SLC36A1: variants seen among roughly 807,000 people sequenced by gnomAD.
The protein encoded by SLC36A1 is proton-coupled amino acid transporter 1.
A neutral mutation model predicts 47.5 loss-of-function variants in SLC36A1; 30 were observed. The ratio of observed to expected loss-of-function variants is 0.63; its 90% CI spans 0.47 to 0.86. SLC36A1 has a LOEUF of 0.86. SLC36A1 is among the 40% of genes least tolerant of loss of function. SLC36A1 has a pLI of 0.00. For synonymous variants in SLC36A1, 255 were observed against 249.7 expected, an observed-to-expected ratio of 1.02 and a Z score of -0.20; for missense variants, 517 against 606.0, an observed-to-expected ratio of 0.85 and a Z score of 1.54.
the SLC36A1 span, chr5:151,542,877 C>G: frequency 2.5e-6 from 4 of 1,614,048 alleles, no homozygotes; most frequent in Non-Finnish European, 2.5e-6. Flanking sequence ...GCTTCCTCAC[C>G]TTTATGACCC....
At chr5:151,456,014 GGA>G (rs1262759009) in intron 1 of SLC36A1, among the ~76,000 whole-genome samples, 1 of 152,102 alleles carries the variant, frequency 6.6e-6, no homozygotes, top group Non-Finnish European at 1.5e-5. Flanking sequence ...ACTCAAGGGG[GGA>G]GTGACACATG....
intron 10 of SLC36A1, chr5:151,480,175 C>A: frequency 1.1e-6 from 1 of 893,890 alleles, no homozygotes; most frequent in South Asian, 2.5e-5. Flanking sequence ...TAGAGAACCC[C>A]TGAGCAAATC....
At chr5:151,387,366 C>G in the SLC36A1 span, 1 of 152,198 alleles carries the variant, frequency 6.6e-6, no homozygotes, top group African/African-American at 2.4e-5. Context: ...AAAATTGCTT[C>G]CAATAACCCC....
chr5:151,420,878 C>CTTTTTTTTTTTTT, the SLC36A1 span, among the ~76,000 whole-genome samples: 1 of 143,966 alleles, frequency 6.9e-6, no homozygotes. Context: ...CTCTTTCTTT[C>CTTTTTTTTTTTTT]TTTTTTTTTT....
At chr5:151,377,347 CTT>C in the SLC36A1 span, among the ~76,000 whole-genome samples, 7 of 120,288 alleles carry the variant, frequency 5.8e-5, no homozygotes, top group Admixed American at 8.4e-5. Flanking sequence ...CTGTCTCTTT[CTT>C]TTTTTTTTTT....
chr5:151,538,016 A>G, the SLC36A1 span: 1 of 1,438,652 alleles, frequency 7.0e-7, no homozygotes, highest in Non-Finnish European at 9.6e-7. Context: ...AAGCAGAGTG[A>G]CTGACTGAGG....
chr5:151,403,233 C>T, the SLC36A1 span, among the ~76,000 whole-genome samples: 14 of 152,020 alleles, frequency 9.2e-5, no homozygotes, highest in Non-Finnish European at 1.8e-4. Context: ...TTCAAAGAAT[C>T]TTTTGATTTC....
At chr5:151,522,877 G>A in the SLC36A1 span, among the ~76,000 whole-genome samples, 1 of 152,144 alleles carries the variant, frequency 6.6e-6, no homozygotes. Context: ...GCACGCGCAG[G>A]GTTGCAGTTA....
chr5:151,523,009 A>C, the SLC36A1 span, among the ~76,000 whole-genome samples: 36 of 152,324 alleles, frequency 2.4e-4, no homozygotes, highest in East Asian at 6.9e-3. Context: ...TTCCTGCCTG[A>C]CTTAGAAAGG....
chr5:151,543,634 G>C, the SLC36A1 span: 4 of 1,614,136 alleles, frequency 2.5e-6, no homozygotes, highest in Non-Finnish European at 3.4e-6. Context: ...AATCACCTTG[G>C]TTCCAACCAT....
At chr5:151,464,413 T>C in intron 3 of SLC36A1, 101 bp from the exon 4 acceptor site, 1 of 1,023,356 alleles carries the variant, frequency 9.8e-7, no homozygotes, top group South Asian at 1.3e-5. Flanking sequence ...GAAAACTGCC[T>C]TAGTAGCTTT....
At chr5:151,479,709 T>C in intron 10 of SLC36A1, 1 of 568,932 alleles carries the variant, frequency 1.8e-6, no homozygotes, top group Non-Finnish European at 3.1e-6. Flanking sequence ...GGACAGTGGT[T>C]TATGTATAGA....
the SLC36A1 span, among the ~76,000 whole-genome samples, chr5:151,515,303 G>C: frequency 6.6e-6 from 1 of 152,138 alleles, no homozygotes; most frequent in African/African-American, 2.4e-5. Flanking sequence ...CCCCAGACCT[G>C]CTAATGTTGG....
Position 151,459,244 on chromosome 5 carries a change from C to T in SLC36A1, c.143+309C>T, listed in dbSNP as rs545483918. Among the ~76,000 whole-genome samples, 35 of 152,272 alleles carry T rather than the reference C, an allele frequency of 2.3e-4. No individual in the cohort carries two copies. In the South Asian group the frequency reaches 7.3e-3, roughly 32 times the overall value. ...AAAAGTGTGTCATCTGTGCTAGAACCCCAAATAATTTCCAAGCATAATCGG... is the reference window on the plus strand; with the variant it reads ...AAAAGTGTGTCATCTGTGCTAGAACTCCAAATAATTTCCAAGCATAATCGG... On this transcript the variant is annotated intron_variant, in intron 2 of 10. Transcript: ENST00000243389.
chr5:151,472,700 A>G (rs1757488186), intron 7 of SLC36A1, among the ~76,000 whole-genome samples: 1 of 152,248 alleles, frequency 6.6e-6, no homozygotes, highest in African/African-American at 2.4e-5. Flanking sequence ...AAGAGGAAAA[A>G]GGAAGAGAAC....
At chr5:151,553,254 T>A in the SLC36A1 span, 2 of 1,614,228 alleles carry the variant, frequency 1.2e-6, no homozygotes. Context: ...AGGGTCCGTC[T>A]CCATGACCGT....
chr5:151,399,627 C>A, the SLC36A1 span, among the ~76,000 whole-genome samples: 1 of 152,106 alleles, frequency 6.6e-6, no homozygotes, highest in Admixed American at 6.5e-5. Context: ...TGAGGCCATA[C>A]CCAATTAAAT....
At chr5:151,543,252 G>T in the SLC36A1 span, 1 of 1,614,144 alleles carries the variant, frequency 6.2e-7, no homozygotes, top group Non-Finnish European at 8.5e-7. Flanking sequence ...GGTCCTCTGG[G>T]TTCACTGAGT....
At chr5:151,540,660 G>C in the SLC36A1 span, 1 of 1,614,080 alleles carries the variant, frequency 6.2e-7, no homozygotes, top group African/African-American at 1.3e-5. Flanking sequence ...CTGTGACTCT[G>C]AGCAAGTACT....
Sources: allele counts gnomAD v4.1 joint callset (sites outside exome capture counted in the v4.1 genomes callset), GRCh38; gene constraint gnomAD v4.1.1; transcripts MANE v1.5; gene names NCBI Gene and HGNC (gene_info 2026-07-23, HGNC 2026-07-21).